Variants in CEP164 observed in about 807,000 individuals in gnomAD.
CEP164 encodes the protein centrosomal protein 164.
In CEP164, 162 loss-of-function variants were observed where a neutral mutation model predicts 182.7. That is an observed-to-expected ratio of 0.89 (90% confidence interval 0.78 to 1.01). The LOEUF is 1.01. Among genes scored for constraint, CEP164 ranks in the 50% least tolerant of loss-of-function variants. CEP164 has a pLI of 0.00. For synonymous variants in CEP164, 661 were observed against 690.0 expected (o/e 0.96, Z 0.66); for missense variants, 1,735 against 1,790.4 (o/e 0.97, Z 0.56).
At chr11:117,353,361 G>T (rs944851930) in intron 5 of CEP164, among the ~76,000 whole-genome samples, 2 of 152,208 alleles carry the variant, frequency 1.3e-5, no homozygotes, top group African/African-American at 4.8e-5. Flanking sequence ...AAAGAGGGCA[G>T]ATAATTTCCA....
chr11:117,408,019 C>T lies in CEP164; in HGVS notation c.3596C>T (p.Ser1199Phe). 6.3e-7 allele frequency: 1 copy of T among 1,590,170 alleles called. No homozygotes were observed. The highest frequency in any genetic ancestry group is 8.6e-7 in the Non-Finnish European group (1 of 1,167,724). ...KEEKLNQLESSLWEEASDEGT... is the reference protein window; with the variant it reads ...KEEKLNQLESFLWEEASDEGT... ...GAGAAGCTGAATCAGTTGGAGTCCT[C>T]TCTTTGGGAAGAGGTGCAGCCCCAT... Residue 1199 changes from serine (S) to phenylalanine (F), a missense_variant, in exon 28 of 33, where the codon TCT (serine) becomes TTT (phenylalanine). By Grantham distance (155) the Ser-to-Phe change is radical (BLOSUM62 -2). Coordinates refer to ENST00000278935, the MANE Select transcript of CEP164 (RefSeq NM_014956.5).
intron 15 of CEP164, among the ~76,000 whole-genome samples, 177 bp from the exon 16 acceptor site, chr11:117,390,600 C>G (rs1241662770): frequency 6.7e-6 from 1 of 149,496 alleles, no homozygotes; most frequent in East Asian, 2.0e-4. Context: ...CACACCACTG[C>G]ATTCCAGCCT....
Position 117,413,171 on chromosome 11 carries a change from A to G in CEP164, c.*1003A>G, listed in dbSNP as rs971729719. ...AGCGTCCTGCAGCCCCGCTTCCATCAGCAGGCTCTGGGGTGGGGGCTTTGC... is the reference window on the plus strand; with the variant it reads ...AGCGTCCTGCAGCCCCGCTTCCATCGGCAGGCTCTGGGGTGGGGGCTTTGC... On this transcript the variant is annotated 3_prime_UTR_variant, in exon 33 of 33. Transcript: ENST00000278935. The G allele has an allele frequency of 6.6e-6, 1 of 152,066 alleles. No individual in the cohort carries two copies. The highest frequency in any genetic ancestry group is 2.4e-5 in the African/African-American group (1 of 41,402). 9.4% of individuals were successfully genotyped at this position (152,066 alleles called of 1,614,324 possible).
chr11:117,370,133 C>T (rs933998321), intron 8 of CEP164, among the ~76,000 whole-genome samples: 23 of 152,204 alleles, frequency 1.5e-4, no homozygotes, highest in African/African-American at 4.3e-4. Flanking sequence ...TGCTCACTTC[C>T]TTTATCCTTT....
Position 117,395,700 on chromosome 11 carries a change from C to G in CEP164, c.3067C>G (p.Gln1023Glu). The change falls in exon 24 of 33, where the codon CAG (glutamine) becomes GAG (glutamate). Residue 1023 changes from glutamine (Q) to glutamate (E), a missense_variant. Physicochemically the swap from Gln to Glu is conservative, Grantham distance 29. Transcript: ENST00000278935. ...SQVDLLQAQSQQLQKHFSSLE... is the reference protein window; with the variant it reads ...SQVDLLQAQSEQLQKHFSSLE... ...AGTGGATCTGCTGCAGGCTCAGAGC[C>G]AGCAACTGCAGAAACACTTCAGGTG... 1 of 1,611,966 alleles carries G rather than the reference C, an allele frequency of 6.2e-7. No homozygotes were observed. The highest frequency in any genetic ancestry group is 8.5e-7 in the Non-Finnish European group (1 of 1,179,522).
At chr11:117,408,690 C>G in intron 28 of CEP164, 200 bp from the exon 29 acceptor site, 2 of 671,376 alleles carry the variant, frequency 3.0e-6, no homozygotes, top group Non-Finnish European at 4.9e-6. Context: ...CTACATACCA[C>G]CTTGAATTTG....
chr11:117,355,267 G>A (rs368353466), intron 5 of CEP164: 49 of 1,289,854 alleles, frequency 3.8e-5, no homozygotes, highest in Middle Eastern at 2.1e-4. Context: ...TCCAGAAGGC[G>A]ACAGAGAAAA....
At chr11:117,336,979 G>C (rs2037244138) in intron 2 of CEP164, among the ~76,000 whole-genome samples, 1 of 152,046 alleles carries the variant, frequency 6.6e-6, no homozygotes, top group Non-Finnish European at 1.5e-5. Flanking sequence ...CCTGAGGTAG[G>C]GGTGGGAAGA....
intron 5 of CEP164, among the ~76,000 whole-genome samples, chr11:117,352,833 C>A (rs563560471): frequency 2.0e-5 from 3 of 152,186 alleles, no homozygotes; most frequent in African/African-American, 7.2e-5. Flanking sequence ...GTGATCCACC[C>A]GCCTCAGCCT....
rs559070007 is a variant in CEP164, at chr11:117,391,127, C to T, written c.2195C>T (p.Ser732Leu). ...LEQLKEEIEA[S>L]EKSEQAALNA... ...CAGCTCAAGGAAGAGATAGAGGCTT[C>T]GGAGAAGAGCGAGCAGGCTGCCCTG... Residue 732 changes from serine (S) to leucine (L), a missense_variant, in exon 17 of 33, where the codon TCG (serine) becomes TTG (leucine). Coordinates refer to ENST00000278935, the MANE Select transcript of CEP164 (RefSeq NM_014956.5). 63 of 1,613,888 alleles carry T rather than the reference C, an allele frequency of 3.9e-5. No homozygotes were observed. The Admixed American group carries it at 4.2e-4, about 11-fold the overall frequency.
At chr11:117,345,438 C>A (rs563562323) in intron 4 of CEP164, among the ~76,000 whole-genome samples, 1 of 152,280 alleles carries the variant, frequency 6.6e-6, no homozygotes, top group East Asian at 1.9e-4. Flanking sequence ...AAAGTGAGTG[C>A]CATGAATTTA....
At chr11:117,322,370 C>T (rs1025188870) in intron 1 of CEP164, among the ~76,000 whole-genome samples, 8 of 152,160 alleles carry the variant, frequency 5.3e-5, no homozygotes, top group Admixed American at 5.2e-4. Flanking sequence ...CCGCCTCGAC[C>T]TCCCAAATGC....
chr11:117,397,228 G>A lies in CEP164; in HGVS notation c.3416G>A (p.Arg1139His), dbSNP rs143802594. The part of the protein sequence containing the change: ...TALKAAQQHW[R>H]HELASAQEVA... ...CTGAAAGCTGCCCAGCAGCATTGGC[G>A]CCATGAGCTGGCCAGTGCGCAGGAG... Residue 1139 changes from arginine to histidine, a missense_variant, in exon 27 of 33, where the codon CGC becomes CAC. By Grantham distance (29) the Arg-to-His change is conservative. Transcript: ENST00000278935. 1.5e-5 allele frequency: 25 copies of A among 1,614,224 alleles called. No homozygotes were observed. In the African/African-American group the frequency reaches 1.7e-4, roughly 11 times the overall value.
In CEP164 at chr11:117,355,529, A is replaced by C. The variant is rs542662210; in HGVS notation, c.393+3541A>C. On this transcript the variant is annotated intron_variant, in intron 5 of 32. Coordinates refer to ENST00000278935, the MANE Select transcript of CEP164 (RefSeq NM_014956.5). ...TGGCCCTGGAGGGGACAAGGGCCAA[A>C]GCCCCATTCCCATGTCATCCCCTGA... is the stretch of plus-strand genomic sequence containing the variant. The C allele has an allele frequency of 1.6e-4, 199 of 1,278,266 alleles. No individual in the cohort carries two copies. The African/African-American group carries it at 2.5e-3, about 16-fold the overall frequency. The allele number at this position is 1,278,266 out of a possible 1,614,324, so 79.2% of individuals were successfully genotyped here.
intron 2 of CEP164, among the ~76,000 whole-genome samples, chr11:117,337,526 T>TAAAAAAAAAAAAAAAAAAAA (rs1273721230): frequency 1.8e-5 from 2 of 113,060 alleles, no homozygotes; most frequent in East Asian, 2.3e-4. Flanking sequence ...AAAAAAAAAG[T>TAAAAAAAAAAAAAAAAAAAA]AAAATATATA....
chr11:117,393,275 A>G, intron 20 of CEP164, 149 bp downstream of exon 20: 1 of 1,363,140 alleles, frequency 7.3e-7, no homozygotes, highest in Non-Finnish European at 9.7e-7. Context: ...GAAGGGGATA[A>G]ACTGTGGTCA....
intron 4 of CEP164, among the ~76,000 whole-genome samples, chr11:117,347,212 C>T (rs939336074): frequency 2.0e-5 from 3 of 152,104 alleles, no homozygotes; most frequent in Admixed American, 1.3e-4. Context: ...CCTAATTGGC[C>T]ATGAAGTGAG....
intron 14 of CEP164, among the ~76,000 whole-genome samples, chr11:117,383,562 G>A (rs1414917357): frequency 6.6e-6 from 1 of 152,224 alleles, no homozygotes; most frequent in African/African-American, 2.4e-5. Flanking sequence ...AAAGCTCAGT[G>A]TGTTTTTCTG....
intron 8 of CEP164, chr11:117,364,068 G>A (rs2041339243): frequency 6.6e-6 from 1 of 151,912 alleles, no homozygotes; most frequent in Non-Finnish European, 1.5e-5. Context: ...GCCCAGCTAT[G>A]TGTTTTTGTA....
Sources: gnomAD v4.1 joint callset for allele counts (sites outside exome capture counted in the v4.1 genomes callset) on GRCh38, gnomAD v4.1.1 for gene constraint, MANE v1.5 for transcripts, NCBI Gene and HGNC (gene_info 2026-07-23, HGNC 2026-07-21) for gene names.